Variants in PRKCH observed in about 807,000 individuals in gnomAD.
PRKCH encodes protein kinase C eta type.
A neutral mutation model predicts 82.5 loss-of-function variants in PRKCH; 28 were observed. That is an observed-to-expected ratio of 0.34 (90% confidence interval 0.25 to 0.47). PRKCH has a LOEUF of 0.47. PRKCH is among the 20% of genes least tolerant of loss of function. The pLI, the probability that PRKCH is intolerant of heterozygous loss-of-function variation, is 1.00. For missense variants in PRKCH, 705 were observed against 881.8 expected (o/e 0.80, Z 2.54); for synonymous variants, 322 against 327.4 (o/e 0.98, Z 0.18).
intron 2 of PRKCH, among the ~76,000 whole-genome samples, chr14:61,436,071 G>T (rs1171003812): frequency 6.6e-6 from 1 of 152,158 alleles, no homozygotes; most frequent in Non-Finnish European, 1.5e-5. Flanking sequence ...CCATCCTGAT[G>T]TGGCAAGAGG....
At chr14:61,509,455 A>T (rs1887284047) in intron 10 of PRKCH, among the ~76,000 whole-genome samples, 2 of 152,070 alleles carry the variant, frequency 1.3e-5, no homozygotes, top group Non-Finnish European at 2.9e-5. Flanking sequence ...AGATCAAAAG[A>T]TAAATCAGAA....
At chr14:61,335,572 T>TA (rs1206472096) in intron 1 of PRKCH, among the ~76,000 whole-genome samples, 3 of 151,738 alleles carry the variant, frequency 2.0e-5, no homozygotes, top group Admixed American at 6.6e-5. Context: ...AAAATAAAAA[T>TA]AAAAAAAACC....
At chr14:61,352,479 A>G (rs2046090672) in intron 1 of PRKCH, among the ~76,000 whole-genome samples, 1 of 152,026 alleles carries the variant, frequency 6.6e-6, no homozygotes, top group Non-Finnish European at 1.5e-5. Context: ...CCTGACCAAT[A>G]TGGTGAAACC....
intron 2 of PRKCH, among the ~76,000 whole-genome samples, chr14:61,436,968 G>A (rs1001846193): frequency 1.3e-5 from 2 of 152,226 alleles, no homozygotes; most frequent in Admixed American, 6.5e-5. Flanking sequence ...TAACATGGAA[G>A]TCTTCCTTAA....
At chr14:61,427,644 T>G (rs1883177150) in intron 2 of PRKCH, among the ~76,000 whole-genome samples, 1 of 152,164 alleles carries the variant, frequency 6.6e-6, no homozygotes, top group South Asian at 2.1e-4. Context: ...TGGAGTGCAG[T>G]GGCGTGACAA....
chr14:61,455,032 A>ATT lies in PRKCH; in HGVS notation c.960+1693_960+1694dup, dbSNP rs60420757. Among the ~76,000 whole-genome samples, 1,340 of 142,366 alleles carry ATT rather than the reference A, an allele frequency of 9.4e-3. 17 individuals carry two copies. The highest frequency in any genetic ancestry group is 0.032 in the African/African-American group (1,258 of 38,882). The allele number at this position is 142,366 out of a possible 152,430, so 93.4% of individuals were successfully genotyped here. A position where few individuals can be genotyped will look rare whatever the true frequency, so the allele number is the denominator to read the frequency against. ...AGTAGATCAGGGACTTTCATTGACA[A>ATT]TTTTTTTTTTTTTTTGAGACGGAGT... On this transcript the variant is annotated intron_variant, in intron 7 of 13. Coordinates refer to ENST00000332981, the MANE Select transcript of PRKCH (RefSeq NM_006255.5).
chr14:61,281,406 C>T (rs1340967574), intron 1 of PRKCH: 3 of 323,604 alleles, frequency 9.3e-6, no homozygotes, highest in African/African-American at 2.2e-5. Context: ...GGGAGCCGCA[C>T]CTCGCCCGCC....
rs1239184001 is a variant in PRKCH at position 61,529,124 on chromosome 14, C to G, written c.1483C>G (p.Leu495Val). 2 of 1,614,078 alleles carry G rather than the reference C, an allele frequency of 1.2e-6. No homozygotes were observed. The highest frequency in any genetic ancestry group is 4.5e-5 in the East Asian group (2 of 44,870). The stretch of plus-strand genomic sequence containing the variant: ...GTTGGACCACGAGGGTCACTGTAAA[C>G]TGGCAGACTTCGGAATGTGCAAGGA... ...VLLDHEGHCK[L>V]ADFGMCKEGI... is the part of the protein sequence containing the mutation. Residue 495 changes from leucine to valine, a missense_variant, in exon 11 of 14, where the codon CTG (leucine) becomes GTG (valine). Leu to Val is a conservative substitution (Grantham distance 32). Around this residue, in one of 5 missense-constraint regions of PRKCH, gnomAD observed 115 missense variants for 193.8 expected, o/e 0.59. Transcript: ENST00000332981.
intron 1 of PRKCH, among the ~76,000 whole-genome samples, chr14:61,203,495 T>C (rs1340103013): frequency 6.6e-6 from 1 of 151,998 alleles, no homozygotes; most frequent in African/African-American, 2.4e-5. Context: ...TGAGGATTTG[T>C]GAGGCACTCA....
At position 61,280,596 on chromosome 14, in the gene PRKCH, C is replaced by T; in HGVS notation, c.-19+92928C>T. On this transcript the variant is annotated intron_variant, in intron 1 of 3. Transcript: ENST00000555185. The surrounding 1 kb of genome is among the most constrained non-coding windows in gnomAD (Gnocchi z 5.0). ...GGTCGAGCGGCACCTCGACGTAGGG[C>T]CCGCCGGGCTGGCGCTGGTGCCAAA... 6.3e-7 allele frequency: 1 copy of T among 1,592,628 alleles called. No individual in the cohort carries two copies. Among genetic ancestry groups the T allele is most frequent in the South Asian group, 1.1e-5 (1 of 89,108 alleles).
At chr14:61,366,824 G>A (rs1311133423) in intron 1 of PRKCH, among the ~76,000 whole-genome samples, 1 of 151,942 alleles carries the variant, frequency 6.6e-6, no homozygotes, top group Non-Finnish European at 1.5e-5. Flanking sequence ...GGCTCTGGGG[G>A]CTCTTATTAT....
At chr14:61,241,612 T>C (rs1482704898) in intron 1 of PRKCH, among the ~76,000 whole-genome samples, 1 of 152,238 alleles carries the variant, frequency 6.6e-6, no homozygotes, top group African/African-American at 2.4e-5. Context: ...TGTATTTTAC[T>C]GTAGCACAAT....
intron 10 of PRKCH, chr14:61,525,205 C>G (rs1286376415): frequency 1.3e-5 from 2 of 152,224 alleles, no homozygotes; most frequent in East Asian, 3.8e-4. Context: ...CTGGGGACAT[C>G]AGGACAGACT....
At chr14:61,212,879 A>G (rs969215984) in intron 1 of PRKCH, among the ~76,000 whole-genome samples, 13 of 152,190 alleles carry the variant, frequency 8.5e-5, no homozygotes, top group African/African-American at 2.9e-4. Flanking sequence ...CACTGCACTG[A>G]AATAACATTT....
rs140971586 is a variant in PRKCH at position 61,419,665 on chromosome 14, G to A, written c.428-23446G>A. ...GTTAGTGTTTGAGACCTGGTGGGGC[G>A]TTCTGGGCTACACAGATGCACTATC... On this transcript the variant is annotated intron_variant, in intron 2 of 13. Transcript: ENST00000332981. Among the ~76,000 whole-genome samples the A allele has an allele frequency of 3.0e-3, 462 of 152,298 alleles. 4 individuals carry two copies. The highest frequency in any genetic ancestry group is 9.7e-3 in the African/African-American group (405 of 41,542).
intron 12 of PRKCH, among the ~76,000 whole-genome samples, chr14:61,547,052 G>A (rs1435417387): frequency 1.3e-5 from 2 of 152,184 alleles, no homozygotes; most frequent in Non-Finnish European, 2.9e-5. Flanking sequence ...GGCAGCGCTC[G>A]TTTTAGTTTT....
intron 1 of PRKCH, among the ~76,000 whole-genome samples, chr14:61,315,753 A>ATT (rs3028702): frequency 0.56 from 80,546 of 143,146 alleles, 25,473 homozygotes; most frequent in Non-Finnish European, 0.69. Context: ...TATTTACTGG[A>ATT]TTTTTTTTTT....
At chr14:61,272,606 T>C (rs993221370) in intron 1 of PRKCH, among the ~76,000 whole-genome samples, 1 of 152,052 alleles carries the variant, frequency 6.6e-6, no homozygotes, top group African/African-American at 2.4e-5. Context: ...TCCACCTGCC[T>C]CGGCCTCCCA....
chr14:61,256,039 G>A (rs1184754427), intron 1 of PRKCH, among the ~76,000 whole-genome samples: 2 of 152,148 alleles, frequency 1.3e-5, no homozygotes, highest in Non-Finnish European at 2.9e-5. Flanking sequence ...GCGAGTCTGG[G>A]ATTCTATTTC....
Sources: gnomAD v4.1 joint callset for allele counts (sites outside exome capture counted in the v4.1 genomes callset) on GRCh38, gnomAD v4.1.1 for gene constraint, gnomAD v4.1.1 regional missense constraint, Gnocchi (gnomAD v3.1) non-coding constraint, MANE v1.5 for transcripts, NCBI Gene and HGNC (gene_info 2026-07-23, HGNC 2026-07-21) for gene names.